ADAMTSL3: variants seen among roughly 807,000 people sequenced by gnomAD.
The protein encoded by ADAMTSL3 is ADAMTS-like protein 3.
A neutral mutation model predicts 201.7 loss-of-function variants in ADAMTSL3; 128 were observed. The observed-to-expected ratio is 0.63, with a 90% CI of 0.55 to 0.73. The LOEUF is 0.73. ADAMTSL3 is among the 30% of genes least tolerant of loss of function. The pLI, the probability that ADAMTSL3 is intolerant of heterozygous loss-of-function variation, is 0.00. For synonymous variants in ADAMTSL3, 738 were observed against 748.4 expected (o/e 0.99, Z 0.23); for missense variants, 1,990 against 2,119.6 (o/e 0.94, Z 1.20).
intron 27 of ADAMTSL3, among the ~76,000 whole-genome samples, chr15:84,028,738 C>T (rs569660867): frequency 2.0e-5 from 3 of 152,238 alleles, no homozygotes; most frequent in Admixed American, 2.0e-4. Flanking sequence ...CTTTGTGTCC[C>T]CACCCAGATC....
At chr15:83,815,649 C>T (rs904366270) in intron 5 of ADAMTSL3, among the ~76,000 whole-genome samples, 3 of 152,166 alleles carry the variant, frequency 2.0e-5, no homozygotes, top group African/African-American at 7.2e-5. Flanking sequence ...GCAAGTTTAG[C>T]GTTGACACTG....
At chr15:84,024,483 G>A (rs2068265977) in intron 26 of ADAMTSL3, among the ~76,000 whole-genome samples, 2 of 152,140 alleles carry the variant, frequency 1.3e-5, no homozygotes, top group Admixed American at 1.3e-4. Flanking sequence ...TATAATTGAA[G>A]GAAATATTAA....
At chr15:83,903,950 A>AGGAAGG (rs1567226158) in intron 15 of ADAMTSL3, among the ~76,000 whole-genome samples, 2 of 40,312 alleles carry the variant, frequency 5.0e-5, no homozygotes, top group African/African-American at 3.5e-4. Flanking sequence ...AAAAAGAAAA[A>AGGAAGG]AGAAAGAAAG....
At position 83,982,687 on chromosome 15, in the gene ADAMTSL3, A is replaced by G. The variant is rs760639074; in HGVS notation, c.3059A>G (p.His1020Arg). 4.3e-6 allele frequency: 7 copies of G among 1,613,924 alleles called. No homozygotes were observed. The highest frequency in any genetic ancestry group is 5.9e-6 in the Non-Finnish European group (7 of 1,180,044). ...ATGAGGGAATATCCTGGGATGGACCACAGCGAAGCCAATAGTTTGGGAGTC... is the reference window on the plus strand; with the variant it reads ...ATGAGGGAATATCCTGGGATGGACCGCAGCGAAGCCAATAGTTTGGGAGTC... Reference protein sequence around the residue: ...EPMREYPGMDHSEANSLGVTW... With the variant: ...EPMREYPGMDRSEANSLGVTW... The change falls in exon 21 of 30, where the codon CAC becomes CGC. Residue 1020 changes from histidine (H) to arginine (R), a missense_variant. Coordinates refer to ENST00000286744, the MANE Select transcript of ADAMTSL3 (RefSeq NM_207517.3).
intron 3 of ADAMTSL3, among the ~76,000 whole-genome samples, chr15:83,706,145 A>T (rs1381938731): frequency 2.6e-5 from 4 of 152,094 alleles, no homozygotes; most frequent in Non-Finnish European, 4.4e-5. Context: ...TCATATGAGA[A>T]CTTCAGAGGA....
intron 3 of ADAMTSL3, among the ~76,000 whole-genome samples, chr15:83,763,088 C>A (rs542516507): frequency 2.0e-5 from 3 of 152,112 alleles, no homozygotes; most frequent in Non-Finnish European, 4.4e-5. Flanking sequence ...GGGGTTTCAC[C>A]GTGTTGGCCA....
intron 9 of ADAMTSL3, among the ~76,000 whole-genome samples, chr15:83,872,623 C>G (rs367854659): frequency 2.0e-5 from 2 of 100,572 alleles, no homozygotes; most frequent in Admixed American, 1.0e-4. Context: ...CACACACACA[C>G]ACACAGAGTT....
At chr15:83,786,122 G>A (rs948931714) in intron 4 of ADAMTSL3, among the ~76,000 whole-genome samples, 1 of 152,068 alleles carries the variant, frequency 6.6e-6, no homozygotes, top group Non-Finnish European at 1.5e-5. Context: ...GATTACAGGT[G>A]TGCACCACCA....
chr15:83,990,997 G>C, intron 22 of ADAMTSL3, 89 bp from the exon 23 acceptor site: 1 of 1,572,438 alleles, frequency 6.4e-7, no homozygotes, highest in Non-Finnish European at 8.6e-7. Context: ...TGCCCTCAAA[G>C]GGCTCAACAA....
At chr15:83,754,279 A>ATTTT (rs1432493021) in intron 3 of ADAMTSL3, among the ~76,000 whole-genome samples, 1 of 152,178 alleles carries the variant, frequency 6.6e-6, no homozygotes, top group Admixed American at 6.5e-5. Context: ...GGAAGTTAAT[A>ATTTT]ATCTGTAGCA....
chr15:83,656,073 C>T (rs2061078895), intron 2 of ADAMTSL3, among the ~76,000 whole-genome samples: 1 of 152,068 alleles, frequency 6.6e-6, no homozygotes, highest in African/African-American at 2.4e-5. Context: ...TACCATACAC[C>T]GGTGATGACC....
At chr15:83,964,505 C>A (rs2067039394) in intron 19 of ADAMTSL3, among the ~76,000 whole-genome samples, 2 of 151,936 alleles carry the variant, frequency 1.3e-5, no homozygotes, top group Non-Finnish European at 2.9e-5. Context: ...ACAAAGCCTC[C>A]AAGAAATATG....
At chr15:83,771,177 T>A (rs1474204151) in intron 3 of ADAMTSL3, among the ~76,000 whole-genome samples, 4 of 151,726 alleles carry the variant, frequency 2.6e-5, no homozygotes, top group African/African-American at 4.8e-5. Context: ...CTTTTTTTTT[T>A]TTTTTTTATT....
At chr15:83,911,989 A>G (rs1475416052) in intron 15 of ADAMTSL3, among the ~76,000 whole-genome samples, 1 of 152,232 alleles carries the variant, frequency 6.6e-6, no homozygotes, top group Non-Finnish European at 1.5e-5. Flanking sequence ...TCTTTGGAAA[A>G]GTTTTGCAGT....
At chr15:83,800,449 C>CCATT in intron 4 of ADAMTSL3, among the ~76,000 whole-genome samples, 1 of 152,012 alleles carries the variant, frequency 6.6e-6, no homozygotes, top group Admixed American at 6.5e-5. Context: ...GGAGTGTAGA[C>CCATT]CATTGCTCTA....
chr15:83,908,290 G>C (rs1346700797), intron 15 of ADAMTSL3, among the ~76,000 whole-genome samples: 1 of 152,150 alleles, frequency 6.6e-6, no homozygotes, highest in Non-Finnish European at 1.5e-5. Flanking sequence ...TGTAAAGTGG[G>C]CATAATAATA....
chr15:83,716,989 A>G (rs925450193), intron 3 of ADAMTSL3, among the ~76,000 whole-genome samples: 1 of 152,252 alleles, frequency 6.6e-6, no homozygotes, highest in Non-Finnish European at 1.5e-5. Flanking sequence ...TTAGGTTTAC[A>G]CTGCATTAAG....
chr15:83,764,815 G>A (rs1178833318), intron 3 of ADAMTSL3, among the ~76,000 whole-genome samples: 6 of 152,084 alleles, frequency 3.9e-5, no homozygotes, highest in African/African-American at 1.4e-4. Context: ...GTGTGTTAGT[G>A]TCTGAAATAA....
At chr15:83,976,268 G>A (rs2067286229) in intron 20 of ADAMTSL3, among the ~76,000 whole-genome samples, 1 of 151,988 alleles carries the variant, frequency 6.6e-6, no homozygotes, top group African/African-American at 2.4e-5. Context: ...TGCAGAGTTG[G>A]GAATAGTTGC....
Sources: allele counts gnomAD v4.1 joint callset (sites outside exome capture counted in the v4.1 genomes callset), GRCh38; gene constraint gnomAD v4.1.1; transcripts MANE v1.5; gene names NCBI Gene and HGNC (gene_info 2026-07-23, HGNC 2026-07-21).